Variants in SBF2 observed in about 807,000 individuals in gnomAD.
SBF2 encodes the protein SET binding factor 2.
In SBF2, 112 loss-of-function variants were observed where a neutral mutation model predicts 225.2. The observed-to-expected ratio is 0.50, with a 90% CI of 0.43 to 0.58. The LOEUF is 0.58. Among genes scored for constraint, SBF2 ranks in the 20% least tolerant of loss-of-function variants. The pLI is 0.00. For synonymous variants in SBF2, 763 were observed against 773.3 expected (o/e 0.99, Z 0.22); for missense variants, 1,996 against 2,206.2 (o/e 0.90, Z 1.91).
At chr11:9,815,448 T>A (rs1232317481) in intron 29 of SBF2, among the ~76,000 whole-genome samples, 1 of 83,836 alleles carries the variant, frequency 1.2e-5, no homozygotes, top group Admixed American at 1.3e-4. Flanking sequence ...TGAGACTCCA[T>A]CTCAAAAACT....
At chr11:9,808,401 C>G (rs1325751889) in intron 31 of SBF2, 1 of 593,452 alleles carries the variant, frequency 1.7e-6, no homozygotes, top group African/African-American at 1.9e-5. Context: ...AGTTTACTTT[C>G]AGGGAATTGA....
At chr11:9,976,998 T>C (rs563078730) in intron 13 of SBF2, among the ~76,000 whole-genome samples, 1 of 152,160 alleles carries the variant, frequency 6.6e-6, no homozygotes, top group Non-Finnish European at 1.5e-5. Context: ...GACCTCGTGA[T>C]CCACCTGCCT....
chr11:10,072,534 G>A (rs1276290718), intron 2 of SBF2, among the ~76,000 whole-genome samples: 1 of 151,362 alleles, frequency 6.6e-6, no homozygotes, highest in Non-Finnish European at 1.5e-5. Flanking sequence ...AAGAATAAAT[G>A]TAAAAGTACT....
intron 34 of SBF2, among the ~76,000 whole-genome samples, chr11:9,789,937 C>G (rs1852633321): frequency 1.3e-5 from 2 of 152,224 alleles, no homozygotes; most frequent in African/African-American, 4.8e-5. Flanking sequence ...CCTTTGGTTT[C>G]TTGTACTGCT....
At chr11:10,232,623 G>T (rs1958905808) in intron 1 of SBF2, among the ~76,000 whole-genome samples, 1 of 150,168 alleles carries the variant, frequency 6.7e-6, no homozygotes, top group Non-Finnish European at 1.5e-5. Context: ...GAGTACATTG[G>T]TGAGATCATA....
At chr11:10,223,415 A>AGTATTAC (rs779421401) in intron 1 of SBF2, among the ~76,000 whole-genome samples, 3,771 of 91,922 alleles carry the variant, frequency 0.041, 148 homozygotes, top group Non-Finnish European at 0.075. Context: ...ATATATATAT[A>AGTATTAC]TATATATATA....
chr11:9,976,069 CTTCTTT>C (rs1215530549), intron 13 of SBF2, among the ~76,000 whole-genome samples: 3 of 139,684 alleles, frequency 2.1e-5, no homozygotes, highest in African/African-American at 8.1e-5. Flanking sequence ...TCTTCTTCTT[CTTCTTT>C]TTTTTTTTTT....
At chr11:9,936,968 A>C (rs1864943098) in intron 16 of SBF2, among the ~76,000 whole-genome samples, 2 of 152,162 alleles carry the variant, frequency 1.3e-5, no homozygotes, top group Admixed American at 6.5e-5. Context: ...CAATGACCTA[A>C]TCATCTCTTA....
chr11:9,808,749 G>GT, intron 31 of SBF2, 152 bp downstream of exon 31: 1 of 620,234 alleles, frequency 1.6e-6, no homozygotes. Flanking sequence ...ATGGTACGGA[G>GT]TTTTCTGATG....
At chr11:9,885,007 T>C (rs545337684) in intron 17 of SBF2, among the ~76,000 whole-genome samples, 21 of 152,026 alleles carry the variant, frequency 1.4e-4, no homozygotes, top group African/African-American at 4.8e-4. Flanking sequence ...TCTCAGCACT[T>C]TGGGAGACTG....
At chr11:10,221,605 A>G (rs1958341763) in intron 1 of SBF2, among the ~76,000 whole-genome samples, 1 of 152,260 alleles carries the variant, frequency 6.6e-6, no homozygotes, top group South Asian at 2.1e-4. Context: ...AATTCTGCTT[A>G]TGCTATGGCT....
chr11:9,938,148 G>A (rs181964740), intron 16 of SBF2, among the ~76,000 whole-genome samples: 15 of 152,016 alleles, frequency 9.9e-5, no homozygotes, highest in South Asian at 4.2e-4. Flanking sequence ...AAAATTAGCC[G>A]GGCGTGGTGG....
At chr11:10,255,237 G>A (rs965112337) in intron 1 of SBF2, among the ~76,000 whole-genome samples, 1 of 152,144 alleles carries the variant, frequency 6.6e-6, no homozygotes, top group Non-Finnish European at 1.5e-5. Context: ...TAGATTTTAA[G>A]TGTTCTCAGT....
chr11:9,845,361 T>C (rs1215503121), intron 24 of SBF2, among the ~76,000 whole-genome samples: 1 of 152,208 alleles, frequency 6.6e-6, no homozygotes, highest in African/African-American at 2.4e-5. Context: ...AGTCAAAGCC[T>C]CTGGTAGCTT....
chr11:10,243,300 A>G (rs1369357198), intron 1 of SBF2, among the ~76,000 whole-genome samples: 1 of 152,098 alleles, frequency 6.6e-6, no homozygotes, highest in East Asian at 1.9e-4. Flanking sequence ...AATCTATCTC[A>G]AAACTTATGG....
At chr11:10,300,811 C>CTTTT (rs570381146) in intron 1 of SBF2, among the ~76,000 whole-genome samples, 3 of 138,128 alleles carry the variant, frequency 2.2e-5, no homozygotes, top group Admixed American at 1.5e-4. Flanking sequence ...CTCTCTCTCT[C>CTTTT]TTTTTTTTTT....
intron 1 of SBF2, among the ~76,000 whole-genome samples, chr11:10,231,112 G>C (rs1185651906): frequency 2.0e-5 from 3 of 152,116 alleles, no homozygotes; most frequent in African/African-American, 4.8e-5. Flanking sequence ...CGGCTACTGA[G>C]GCTTGTGCAT....
At chr11:10,010,845 C>T (rs972378490) in intron 6 of SBF2, among the ~76,000 whole-genome samples, 1 of 152,160 alleles carries the variant, frequency 6.6e-6, no homozygotes, top group Admixed American at 6.5e-5. Flanking sequence ...GCCATTTTCA[C>T]GATATTGATT....
At chr11:9,957,551 C>G (rs1168329358) in intron 16 of SBF2, 1 of 152,008 alleles carries the variant, frequency 6.6e-6, no homozygotes, top group Non-Finnish European at 1.5e-5. Flanking sequence ...CCTCCAACTC[C>G]TGGGTTCAAG....
Sources: gnomAD v4.1 joint callset for allele counts (sites outside exome capture counted in the v4.1 genomes callset) on GRCh38, gnomAD v4.1.1 for gene constraint, MANE v1.5 for transcripts, NCBI Gene and HGNC (gene_info 2026-07-23, HGNC 2026-07-21) for gene names.